PLGRKT: variants seen among roughly 807,000 people sequenced by gnomAD.
The protein encoded by PLGRKT is plasminogen receptor (KT).
A neutral mutation model predicts 18.5 loss-of-function variants in PLGRKT; 22 were observed. That is an observed-to-expected ratio of 1.19 (90% CI 0.85 to 1.70). PLGRKT has a LOEUF of 1.70. PLGRKT is among the 40% of genes most tolerant of loss of function. The pLI is 0.00. For synonymous variants in PLGRKT, 72 were observed against 52.8 expected (o/e 1.36, Z -1.58); for missense variants, 235 against 174.4 (o/e 1.35, Z -1.96).
At chr9:5,390,051 T>C (rs1051582441) in intron 3 of PLGRKT, among the ~76,000 whole-genome samples, 4 of 151,576 alleles carry the variant, frequency 2.6e-5, no homozygotes, top group African/African-American at 9.8e-5. Flanking sequence ...ATTGAGGAAA[T>C]CTAGTGGAGT....
chr9:5,358,081 G>T lies in PLGRKT; in HGVS notation c.*158C>A. ...GCACCTCCATGATTTTGTGTTGAAT[G>T]TTATAAATTTTATTTTAAAATAGCT... On this transcript the variant is annotated 3_prime_UTR_variant, in exon 6 of 6. Coordinates refer to ENST00000223864, the MANE Select transcript of PLGRKT (RefSeq NM_018465.4). 1.9e-6 allele frequency: 1 copy of T among 528,952 alleles called. No individual in the cohort carries two copies. The highest frequency in any genetic ancestry group is 3.2e-6 in the Non-Finnish European group (1 of 311,860). The allele number at this position is 528,952 out of a possible 1,614,324, so 32.8% of individuals were successfully genotyped here.
At chr9:5,385,669 A>G (rs1302503268) in intron 3 of PLGRKT, among the ~76,000 whole-genome samples, 2 of 151,848 alleles carry the variant, frequency 1.3e-5, no homozygotes, top group African/African-American at 2.4e-5. Flanking sequence ...TCTCATGAGT[A>G]AGGAGGAACC....
intron 3 of PLGRKT, among the ~76,000 whole-genome samples, chr9:5,399,098 T>C (rs143563362): frequency 0.088 from 13,385 of 151,350 alleles, 914 homozygotes; most frequent in Middle Eastern, 0.17. Context: ...TCTCTACCAC[T>C]CCCCAGTACC....
At chr9:5,396,623 T>C (rs1361973372) in intron 3 of PLGRKT, among the ~76,000 whole-genome samples, 6 of 152,066 alleles carry the variant, frequency 3.9e-5, no homozygotes, top group Admixed American at 2.6e-4. Flanking sequence ...TAAAACATTT[T>C]CACATATGAA....
chr9:5,400,054 T>C (rs1818127573), intron 3 of PLGRKT, among the ~76,000 whole-genome samples: 1 of 151,882 alleles, frequency 6.6e-6, no homozygotes, highest in African/African-American at 2.4e-5. Flanking sequence ...AAGGTGGTGG[T>C]AGTAATTTTT....
At chr9:5,424,080 T>C (rs924098851) in intron 3 of PLGRKT, among the ~76,000 whole-genome samples, 7 of 135,770 alleles carry the variant, frequency 5.2e-5, no homozygotes, top group Non-Finnish European at 1.1e-4. Flanking sequence ...TATATATGTA[T>C]AATATATAAT....
rs1168339531 is a variant in PLGRKT, at chr9:5,392,571, T to G, written c.82-30683A>C. On this transcript the variant is annotated intron_variant, in intron 3 of 5. Transcript: ENST00000223864. ...CAATTCTGTAGTCAGGCTCCCTGATTTGAATCTGAGCTCCCCTACATACTA... is the reference window on the plus strand; with the variant it reads ...CAATTCTGTAGTCAGGCTCCCTGATGTGAATCTGAGCTCCCCTACATACTA... The G allele has an allele frequency of 2.0e-5, 3 of 151,952 alleles. No individual in the cohort carries two copies. In the East Asian group the frequency reaches 5.8e-4, roughly 29 times the overall value. The allele number at this position is 151,952 out of a possible 1,614,324, so 9.4% of individuals were successfully genotyped here. A position where few individuals can be genotyped will look rare whatever the true frequency, so the allele number is the denominator to read the frequency against.
At position 5,363,653 on chromosome 9, in the gene PLGRKT, T is replaced by C. The variant is rs772606546; in HGVS notation, c.82-1765A>G. ...CAGGAAGCAGGGCCATAATTCTCTG[T>C]CTGGGGATCCCCAGATGCATCTGGC... is the stretch of plus-strand genomic sequence containing the variant. On this transcript the variant is annotated intron_variant, in intron 3 of 5. Coordinates refer to ENST00000223864, the MANE Select transcript of PLGRKT (RefSeq NM_018465.4). 3.9e-4 allele frequency among the ~76,000 whole-genome samples: 59 copies of C among 152,142 alleles called. 3 individuals are homozygous for C. Among genetic ancestry groups the C allele is most frequent in the Admixed American group, 1.3e-4 (2 of 15,276 alleles).
rs143520129 is a variant in PLGRKT, at chr9:5,436,965, A to G, written c.-132-271T>C. Among the ~76,000 whole-genome samples the G allele has an allele frequency of 4.5e-3, 689 of 152,134 alleles. 8 individuals are homozygous for G. Among genetic ancestry groups the G allele is most frequent in the African/African-American group, 0.016 (660 of 41,556 alleles). On this transcript the variant is annotated intron_variant, in intron 1 of 5. Transcript: ENST00000223864. ...TCTTTTAAAAATTCTAACACTTTTC[A>G]CCAGGGGTAAAAAAAAATGTCTTGC...
intron 3 of PLGRKT, among the ~76,000 whole-genome samples, chr9:5,415,276 A>G (rs1243103835): frequency 1.3e-5 from 2 of 152,286 alleles, no homozygotes; most frequent in Non-Finnish European, 2.9e-5. Context: ...TGATGGTACT[A>G]GTTTATAACC....
intron 1 of PLGRKT, among the ~76,000 whole-genome samples, chr9:5,437,210 C>A (rs1421344292): frequency 6.6e-6 from 1 of 152,150 alleles, no homozygotes; most frequent in Non-Finnish European, 1.5e-5. Flanking sequence ...AACCTTTCTT[C>A]CGGTCACCCG....
chr9:5,420,623 A>G (rs1402961254), intron 3 of PLGRKT, among the ~76,000 whole-genome samples: 1 of 152,096 alleles, frequency 6.6e-6, no homozygotes, highest in Non-Finnish European at 1.5e-5. Flanking sequence ...TAAGAAAGAC[A>G]CTTCCAGGTT....
At chr9:5,384,209 T>C (rs1452356090) in intron 3 of PLGRKT, among the ~76,000 whole-genome samples, 1 of 152,158 alleles carries the variant, frequency 6.6e-6, no homozygotes, top group African/African-American at 2.4e-5. Context: ...GTGGAAGGCC[T>C]GGGACTCTAC....
At chr9:5,435,321 T>TAAAAAAAAA (rs61099125) in intron 2 of PLGRKT, among the ~76,000 whole-genome samples, 9 of 127,690 alleles carry the variant, frequency 7.0e-5, no homozygotes, top group East Asian at 2.2e-4. Flanking sequence ...CAATAAATAC[T>TAAAAAAAAA]AAAAAAAAAA....
intron 3 of PLGRKT, among the ~76,000 whole-genome samples, chr9:5,373,787 A>AAAGAAG (rs1817574970): frequency 1.3e-5 from 2 of 152,100 alleles, no homozygotes; most frequent in South Asian, 4.2e-4. Context: ...CAAAAAAGAA[A>AAAGAAG]AAGAAGAAAA....
At chr9:5,366,829 T>G (rs7045414) in intron 3 of PLGRKT, among the ~76,000 whole-genome samples, 1 of 151,916 alleles carries the variant, frequency 6.6e-6, no homozygotes, top group Admixed American at 6.6e-5. Flanking sequence ...TGAATATGAT[T>G]CTATATTAGG....
chr9:5,399,150 T>C (rs1258888380), intron 3 of PLGRKT, among the ~76,000 whole-genome samples: 1 of 151,806 alleles, frequency 6.6e-6, no homozygotes, highest in African/African-American at 2.4e-5. Context: ...CTTAAGATAG[T>C]ATCTGTCTCA....
chr9:5,370,757 A>C, intron 3 of PLGRKT, among the ~76,000 whole-genome samples: 1 of 152,214 alleles, frequency 6.6e-6, no homozygotes, highest in East Asian at 1.9e-4. Flanking sequence ...CCAAAAGAAA[A>C]TCGATGTTTC....
chr9:5,380,182 G>C (rs970460871), intron 3 of PLGRKT, among the ~76,000 whole-genome samples: 3 of 152,070 alleles, frequency 2.0e-5, no homozygotes, highest in African/African-American at 7.2e-5. Context: ...GGCTAACACG[G>C]TGAAACCCCG....
Sources: allele counts gnomAD v4.1 joint callset (sites outside exome capture counted in the v4.1 genomes callset), GRCh38; gene constraint gnomAD v4.1.1; transcripts MANE v1.5; gene names NCBI Gene and HGNC (gene_info 2026-07-23, HGNC 2026-07-21).